PRKAR2A: variants seen among roughly 807,000 people sequenced by gnomAD.
The protein encoded by PRKAR2A is cAMP-dependent protein kinase type II-alpha regulatory subunit.
In PRKAR2A, 29 loss-of-function variants were observed where a neutral mutation model predicts 51.9. The observed-to-expected ratio is 0.56, with a 90% CI of 0.42 to 0.76. The LOEUF (loss-of-function observed/expected upper bound fraction) is 0.76, where lower values mean the gene tolerates loss of function less well. Ranked by LOEUF, PRKAR2A falls within the 30% of genes least tolerant of loss-of-function variation. The pLI, the probability that PRKAR2A is intolerant of heterozygous loss-of-function variation, is 0.00. For missense variants in PRKAR2A, 445 were observed against 512.1 expected, an observed-to-expected ratio of 0.87 and a Z score of 1.26; for synonymous variants, 178 against 186.2, an observed-to-expected ratio of 0.96 and a Z score of 0.36.
intron 6 of PRKAR2A, 41 bp from the exon 7 acceptor site, chr3:48,765,390 A>G (rs1195003359): frequency 2.9e-6 from 4 of 1,369,980 alleles, no homozygotes; most frequent in Non-Finnish European, 1.0e-6. Flanking sequence ...ATGCCTATAT[A>G]CAGGAACATC....
At position 48,847,658 on chromosome 3, in the gene PRKAR2A, C is replaced by A. The variant is rs1047176455; in HGVS notation, c.-62G>T. The A allele has an allele frequency of 1.3e-4, 182 of 1,383,008 alleles. No individual in the cohort carries two copies. The highest frequency in any genetic ancestry group is 1.6e-4 in the Non-Finnish European group (171 of 1,072,414). The allele number at this position is 1,383,008 out of a possible 1,614,324, so 85.7% of individuals were successfully genotyped here. On this transcript the variant is annotated 5_prime_UTR_variant, in exon 1 of 11. Transcript: ENST00000265563. This position sits in a 1 kb window ranked among gnomAD's most constrained non-coding sequence, Gnocchi z 4.4. ...CCGGCGGCCACTGTCTCCGCGCTCA[C>A]TCACGCCGGCCTTTCGCTCCGCGCC...
At chr3:48,779,271 C>T (rs1332867147) in intron 5 of PRKAR2A, among the ~76,000 whole-genome samples, 1 of 152,132 alleles carries the variant, frequency 6.6e-6, no homozygotes, top group Non-Finnish European at 1.5e-5. Flanking sequence ...TTATTCACCA[C>T]TTTCACTGTA....
chr3:48,801,558 G>C (rs970689044), intron 2 of PRKAR2A, among the ~76,000 whole-genome samples: 2 of 152,076 alleles, frequency 1.3e-5, no homozygotes, highest in Admixed American at 6.6e-5. Flanking sequence ...CAAAGTGCTC[G>C]GATTACAGGC....
intron 4 of PRKAR2A, 112 bp from the exon 5 acceptor site, chr3:48,783,204 AGAAACCTAAAGGTTGTCT>A: frequency 1.4e-6 from 1 of 697,042 alleles, no homozygotes; most frequent in South Asian, 1.7e-5. Flanking sequence ...ACATTCAAGC[AGAAACCTAAAGGTTGTCT>A]GAAACAAATG....
At chr3:48,800,707 G>C (rs1420888548) in intron 2 of PRKAR2A, among the ~76,000 whole-genome samples, 2 of 151,562 alleles carry the variant, frequency 1.3e-5, no homozygotes, top group Non-Finnish European at 2.9e-5. Flanking sequence ...GTCTTGCTCT[G>C]TCGCGCAGGC....
At chr3:48,829,371 T>C (rs2083128751) in intron 1 of PRKAR2A, among the ~76,000 whole-genome samples, 1 of 150,574 alleles carries the variant, frequency 6.6e-6, no homozygotes, top group Admixed American at 6.6e-5. Flanking sequence ...ATACAAAAAT[T>C]AGCTGCGCAT....
chr3:48,758,227 C>T (rs762978636), intron 8 of PRKAR2A, among the ~76,000 whole-genome samples: 1 of 147,290 alleles, frequency 6.8e-6, no homozygotes, highest in Non-Finnish European at 1.5e-5. Flanking sequence ...CACTGTACTC[C>T]AGCCTGGGCA....
rs2081649333 is a variant in PRKAR2A at position 48,751,621 on chromosome 3, A to G, written c.1179T>C (p.Phe393=). 1.2e-6 allele frequency: 2 copies of G among 1,613,720 alleles called. No individual in the cohort carries two copies. The highest frequency in any genetic ancestry group is 1.7e-6 in the Non-Finnish European group (2 of 1,179,828). ...GGTTGCCCAGATCCACGCTGGAGCC[A>G]AACATCTTCACCAGCTGTTCCTCAT... ...SHYEEQLVKM[F]GSSVDLGNLG... The change falls in exon 11 of 11, where the codon TTT becomes TTC. Residue 393 remains phenylalanine, a synonymous_variant. Transcript: ENST00000265563.
In PRKAR2A at chr3:48,748,023, A is replaced by G. The variant is rs1021907564; in HGVS notation, c.*3562T>C. The stretch of plus-strand genomic sequence containing the variant: ...ATTTCACTCACACACGTCCTTTTAA[A>G]GTCTCCCTTCCTCAAGCTATTAAAT... On this transcript the variant is annotated 3_prime_UTR_variant, in exon 11 of 11. Transcript: ENST00000265563. 1 of 152,154 alleles carries G rather than the reference A, an allele frequency of 6.6e-6. No individual in the cohort carries two copies. Among genetic ancestry groups the G allele is most frequent in the Non-Finnish European group, 1.5e-5 (1 of 68,046 alleles). The allele number at this position is 152,154 out of a possible 1,614,324, so 9.4% of individuals were successfully genotyped here.
chr3:48,820,736 T>C (rs758977232), intron 1 of PRKAR2A, among the ~76,000 whole-genome samples: 8 of 152,038 alleles, frequency 5.3e-5, no homozygotes, highest in African/African-American at 9.7e-5. Flanking sequence ...CTTGAACTGG[T>C]TGATAAAAGA....
intron 4 of PRKAR2A, 129 bp downstream of exon 4, chr3:48,790,415 G>A (rs2082365220): frequency 3.7e-6 from 2 of 547,944 alleles, no homozygotes; most frequent in Non-Finnish European, 6.2e-6. Context: ...ACATCTGTAT[G>A]TAAGATGAAT....
At chr3:48,805,201 C>T (rs1272168413) in intron 2 of PRKAR2A, among the ~76,000 whole-genome samples, 1 of 152,208 alleles carries the variant, frequency 6.6e-6, no homozygotes, top group South Asian at 2.1e-4. Flanking sequence ...GTGTGAGCCA[C>T]GATGGCCAGC....
intron 2 of PRKAR2A, among the ~76,000 whole-genome samples, chr3:48,798,691 C>T (rs900469165): frequency 6.8e-6 from 1 of 147,254 alleles, no homozygotes; most frequent in African/African-American, 2.5e-5. Context: ...GAGAGTCTCA[C>T]ACTCCGTCAC....
At chr3:48,772,686 G>C (rs542470779) in intron 6 of PRKAR2A, among the ~76,000 whole-genome samples, 5 of 152,144 alleles carry the variant, frequency 3.3e-5, no homozygotes, top group East Asian at 1.9e-4. Flanking sequence ...TGTCGCCCAG[G>C]CTGGAGTACA....
chr3:48,826,032 G>A (rs562581451), intron 1 of PRKAR2A, among the ~76,000 whole-genome samples: 1 of 152,268 alleles, frequency 6.6e-6, no homozygotes, highest in Admixed American at 6.5e-5. Context: ...AGAGGCTAAG[G>A]CAGCACGATC....
At position 48,807,670 on chromosome 3, in the gene PRKAR2A, T is replaced by G. The variant is rs1413939239; in HGVS notation, c.277A>C (p.Arg93=). 2 of 1,604,222 alleles carry G rather than the reference T, an allele frequency of 1.2e-6. No individual in the cohort carries two copies. The highest frequency in any genetic ancestry group is 2.2e-5 in the South Asian group (2 of 90,718). Residue 93 remains arginine (R), a synonymous_variant, in exon 2 of 11, where the codon AGA becomes CGA. Coordinates refer to ENST00000265563, the MANE Select transcript of PRKAR2A (RefSeq NM_004157.4). ...ATACCTGATACTCGTCTATTAAATC[T>G]GCTAGGAACTGGAACTGCAAAATAA... ...DEDLEVPVPS[R]FNRRVSVCAE...
At chr3:48,811,980 T>C (rs547192297) in intron 1 of PRKAR2A, among the ~76,000 whole-genome samples, 1 of 152,118 alleles carries the variant, frequency 6.6e-6, no homozygotes, top group African/African-American at 2.4e-5. Flanking sequence ...GGGGAGTGAC[T>C]GCAAATAGAC....
intron 2 of PRKAR2A, among the ~76,000 whole-genome samples, chr3:48,804,844 C>T (rs1269435757): frequency 6.6e-6 from 1 of 152,078 alleles, no homozygotes; most frequent in African/African-American, 2.4e-5. Flanking sequence ...GAAGGAACAA[C>T]CTGGGGATTG....
At chr3:48,829,168 A>C (rs893353608) in intron 1 of PRKAR2A, among the ~76,000 whole-genome samples, 2 of 151,936 alleles carry the variant, frequency 1.3e-5, no homozygotes, top group African/African-American at 4.8e-5. Flanking sequence ...TGAGCCCAAG[A>C]GTTTGAGACC....
Sources: gnomAD v4.1 joint callset for allele counts (sites outside exome capture counted in the v4.1 genomes callset) on GRCh38, gnomAD v4.1.1 for gene constraint, Gnocchi (gnomAD v3.1) non-coding constraint, MANE v1.5 for transcripts, NCBI Gene and HGNC (gene_info 2026-07-23, HGNC 2026-07-21) for gene names.